The following RBFOX1 variants were observed in gnomAD, a reference collection of about 807,000 sequenced individuals.
RBFOX1 encodes RNA binding protein fox-1 homolog 1.
In RBFOX1, 8 loss-of-function variants were observed where a neutral mutation model predicts 57.7. That is an observed-to-expected ratio of 0.14 (90% CI 0.08 to 0.25). The LOEUF is 0.25. RBFOX1 is among the 10% of genes least tolerant of loss of function. The pLI is 1.00. For synonymous variants in RBFOX1, 326 were observed against 222.4 expected (o/e 1.47, Z -4.15); for missense variants, 611 against 548.5 (o/e 1.11, Z -1.14).
chr16:7,018,467 C>T (rs2094027942), intron 3 of RBFOX1, among the ~76,000 whole-genome samples: 1 of 152,092 alleles, frequency 6.6e-6, no homozygotes, highest in South Asian at 2.1e-4. Flanking sequence ...ACGTCTAATC[C>T]AGTCTATCAT....
intron 1 of RBFOX1, among the ~76,000 whole-genome samples, chr16:5,268,316 A>G (rs1244774962): frequency 2.0e-5 from 3 of 152,152 alleles, no homozygotes; most frequent in African/African-American, 7.2e-5. Flanking sequence ...GATTCTTAGC[A>G]TCTTTCGTTT....
rs1332305898 is a variant in RBFOX1 at position 5,283,194 on chromosome 16, CAGA to C, written c.219+43093_219+43095del. Among the ~76,000 whole-genome samples the C allele has an allele frequency of 2.0e-5, 3 of 152,222 alleles. No individual in the cohort carries two copies. The East Asian group carries it at 5.8e-4, about 29-fold the overall frequency. On this transcript the variant is annotated intron_variant, in intron 1 of 2. Coordinates refer to the RBFOX1 transcript ENST00000585867. The stretch of plus-strand genomic sequence containing the variant: ...GGTTTGGGAACCACTGCCTAGATTT[CAGA>C]AGATGTATGGAAATGCCTAGATGTC...
rs1326244590 is a variant in RBFOX1, at chr16:7,096,011, T to TG, written c.27+43913_27+43914insG. Among the ~76,000 whole-genome samples, 12 of 41,728 alleles carry TG rather than the reference T, an allele frequency of 2.9e-4. No homozygotes were observed. The East Asian group carries it at 5.6e-3, about 19-fold the overall frequency. The allele number at this position is 41,728 out of a possible 152,430, so 27.4% of individuals were successfully genotyped here. On this transcript the variant is annotated intron_variant, in intron 4 of 15. Coordinates refer to ENST00000550418, the MANE Select transcript of RBFOX1 (RefSeq NM_018723.4). ...CTGGGCAACAGAGTGAGACTCTGTCTCAAAAAAAAAAAAAAAAAGAAAAGA... is the reference window on the plus strand; with the variant it reads ...CTGGGCAACAGAGTGAGACTCTGTCTGCAAAAAAAAAAAAAAAAAGAAAAGA...
At chr16:7,255,599 G>A (rs1289308949) in intron 4 of RBFOX1, among the ~76,000 whole-genome samples, 1 of 152,034 alleles carries the variant, frequency 6.6e-6, no homozygotes, top group African/African-American at 2.4e-5. Context: ...GCATGCATGG[G>A]CGTATCCCTA....
chr16:5,682,694 C>G (rs888673508), intron 3 of RBFOX1, among the ~76,000 whole-genome samples: 7 of 152,166 alleles, frequency 4.6e-5, no homozygotes, highest in African/African-American at 1.7e-4. Context: ...AGGTTTTATC[C>G]AAGGTTGTCC....
intron 3 of RBFOX1, among the ~76,000 whole-genome samples, chr16:6,825,509 G>T (rs1177569380): frequency 1.3e-5 from 2 of 152,138 alleles, no homozygotes; most frequent in African/African-American, 2.4e-5. Context: ...AACACAAAAT[G>T]AATCTCACTT....
intron 1 of RBFOX1, among the ~76,000 whole-genome samples, chr16:5,462,166 TTC>T (rs66602707): frequency 0.45 from 48,271 of 108,146 alleles, 9,147 homozygotes; most frequent in East Asian, 0.48. Context: ...CTTTCTTTCT[TTC>T]TTTTTTTTTT....
chr16:5,749,882 C>G (rs1051417808), intron 3 of RBFOX1, among the ~76,000 whole-genome samples: 1 of 152,186 alleles, frequency 6.6e-6, no homozygotes, highest in East Asian at 1.9e-4. Flanking sequence ...AGTCATTCTC[C>G]GTCTAGCTTT....
Position 5,343,557 on chromosome 16 carries a change from G to A in RBFOX1, c.219+103452G>A, listed in dbSNP as rs536805691. On this transcript the variant is annotated intron_variant, in intron 1 of 2. Coordinates refer to the RBFOX1 transcript ENST00000585867. The stretch of plus-strand genomic sequence containing the variant: ...AGGATGGTCTTGATATCCTGTCCTC[G>A]TGATCTACCTGCCTTGGCCTCCCAA... Among the ~76,000 whole-genome samples the A allele has an allele frequency of 7.3e-5, 11 of 151,616 alleles. No individual in the cohort carries two copies. In the South Asian group the frequency reaches 1.7e-3, roughly 23 times the overall value.
chr16:7,136,565 C>G (rs570985896), intron 4 of RBFOX1, among the ~76,000 whole-genome samples: 4 of 152,012 alleles, frequency 2.6e-5, no homozygotes, highest in African/African-American at 9.7e-5. Flanking sequence ...CGCCACCACA[C>G]CTAGCTAATT....
At chr16:5,283,006 C>A (rs1032976704) in intron 1 of RBFOX1, among the ~76,000 whole-genome samples, 1 of 152,032 alleles carries the variant, frequency 6.6e-6, no homozygotes, top group African/African-American at 2.4e-5. Flanking sequence ...AACCAGGGAC[C>A]CCTACTGTGA....
At chr16:6,916,599 T>G (rs1478307781) in intron 3 of RBFOX1, among the ~76,000 whole-genome samples, 1 of 152,128 alleles carries the variant, frequency 6.6e-6, no homozygotes, top group Non-Finnish European at 1.5e-5. Flanking sequence ...TTGTAAGGCC[T>G]TCCATCTTGC....
At chr16:6,531,705 C>T (rs1403852106) in intron 2 of RBFOX1, among the ~76,000 whole-genome samples, 1 of 152,000 alleles carries the variant, frequency 6.6e-6, no homozygotes, top group African/African-American at 2.4e-5. Flanking sequence ...TTCTCATGGA[C>T]CCAAACAGGG....
chr16:5,734,064 C>T (rs933915227), intron 3 of RBFOX1, among the ~76,000 whole-genome samples: 2 of 152,188 alleles, frequency 1.3e-5, no homozygotes, highest in African/African-American at 4.8e-5. Flanking sequence ...AGGCACTTTC[C>T]CAGGGTGTTT....
chr16:7,223,341 A>G (rs1368023621), intron 4 of RBFOX1, among the ~76,000 whole-genome samples: 1 of 152,246 alleles, frequency 6.6e-6, no homozygotes, highest in Non-Finnish European at 1.5e-5. Context: ...ATAGAATTTG[A>G]CAGTCAGTGC....
At position 6,515,545 on chromosome 16, in the gene RBFOX1, C is replaced by T. The variant is rs367756482; in HGVS notation, c.-63-139058C>T. On this transcript the variant is annotated intron_variant, in intron 2 of 15. Transcript: ENST00000550418. ...TCCCATGTCTTCCCTTGAGAGCAGA[C>T]ATTTATGAACCTCTGTTTAAATAGA... Among the ~76,000 whole-genome samples, 8 of 152,292 alleles carry T rather than the reference C, an allele frequency of 5.3e-5. No homozygotes were observed. The South Asian group carries it at 1.7e-3, about 32-fold the overall frequency.
intron 2 of RBFOX1, among the ~76,000 whole-genome samples, chr16:6,503,366 G>C (rs1161060821): frequency 6.6e-6 from 1 of 152,152 alleles, no homozygotes; most frequent in Non-Finnish European, 1.5e-5. Context: ...TCTTGTTCTT[G>C]TAACAGTTAG....
At chr16:7,502,073 C>G (rs2071091005) in intron 4 of RBFOX1, among the ~76,000 whole-genome samples, 1 of 152,178 alleles carries the variant, frequency 6.6e-6, no homozygotes, top group East Asian at 1.9e-4. Flanking sequence ...CCAAGTCCGA[C>G]TATCATTCAT....
intron 1 of RBFOX1, among the ~76,000 whole-genome samples, chr16:6,153,566 C>T (rs2152728856): frequency 6.6e-6 from 1 of 152,050 alleles, no homozygotes; most frequent in South Asian, 2.1e-4. Flanking sequence ...GATGGAGTCT[C>T]CCTCTGTTGC....
Sources: allele counts gnomAD v4.1 joint callset (sites outside exome capture counted in the v4.1 genomes callset), GRCh38; gene constraint gnomAD v4.1.1; transcripts MANE v1.5; gene names NCBI Gene and HGNC (gene_info 2026-07-23, HGNC 2026-07-21).